The following PNP variants were observed in gnomAD, a reference collection of about 807,000 sequenced individuals.
PNP encodes the protein purine nucleoside phosphorylase.
PNP carries 18 observed loss-of-function variants against 26.8 expected under a neutral mutation model. The ratio of observed to expected loss-of-function variants is 0.67; its 90% CI spans 0.46 to 1.00. The LOEUF (loss-of-function observed/expected upper bound fraction) is 1.00. PNP is among the 50% of genes least tolerant of loss of function. The pLI, the probability that PNP is intolerant of heterozygous loss-of-function variation, is 0.00. For synonymous variants in PNP, 116 were observed against 124.8 expected, an observed-to-expected ratio of 0.93 and a Z score of 0.47; for missense variants, 320 against 362.9, an observed-to-expected ratio of 0.88 and a Z score of 0.96.
intron 1 of PNP, among the ~76,000 whole-genome samples, chr14:20,470,136 A>G (rs368945049): frequency 6.6e-6 from 1 of 152,232 alleles, no homozygotes; most frequent in South Asian, 2.1e-4. Context: ...CACTTCCCCC[A>G]CCCCACGCCT....
At chr14:20,474,334 G>A (rs1699345510) in intron 2 of PNP, 138 bp from the exon 3 acceptor site, 1 of 745,110 alleles carries the variant, frequency 1.3e-6, no homozygotes. Flanking sequence ...CTTTCTGAAA[G>A]CAGAGATAAT....
In PNP at chr14:20,475,097, A is replaced by G; in HGVS notation, c.497A>G (p.Tyr166Cys). Reference sequence around the variant, plus strand: ...CGTTTCCCTGCCATGTCTGATGCCTACGACCGGACTATGAGGCAGAGGGCT... The same window carrying G: ...CGTTTCCCTGCCATGTCTGATGCCTGCGACCGGACTATGAGGCAGAGGGCT... The part of the protein sequence containing the change: ...GDRFPAMSDA[Y>C]DRTMRQRALS... Residue 166 changes from tyrosine to cysteine, a missense_variant, in exon 5 of 6, where the codon TAC (tyrosine) becomes TGC (cysteine). By Grantham distance (194) the Tyr-to-Cys change is radical. Coordinates refer to ENST00000361505, the MANE Select transcript of PNP (RefSeq NM_000270.4). 3 of 1,614,218 alleles carry G rather than the reference A, an allele frequency of 1.9e-6. No homozygotes were observed. The highest frequency in any genetic ancestry group is 2.5e-6 in the Non-Finnish European group (3 of 1,180,056).
intron 1 of PNP, chr14:20,469,811 G>A (rs1015469164): frequency 3.3e-6 from 2 of 602,138 alleles, no homozygotes; most frequent in African/African-American, 3.7e-5. Context: ...AAAAGCAGCC[G>A]TTGTGTGTCT....
In PNP at chr14:20,477,055, A is replaced by C. The variant is rs1489664402; in HGVS notation, c.*454A>C. Reference sequence around the variant, plus strand: ...TACCTCTTGGATTTTATTTAATGTCATAATGTTGTCAGAATAAAGAGAAAG... The same window carrying C: ...TACCTCTTGGATTTTATTTAATGTCCTAATGTTGTCAGAATAAAGAGAAAG... On this transcript the variant is annotated 3_prime_UTR_variant, in exon 6 of 6. Transcript: ENST00000361505. 1 of 216,910 alleles carries C rather than the reference A, an allele frequency of 4.6e-6. No homozygotes were observed. Among genetic ancestry groups the C allele is most frequent in the Non-Finnish European group, 9.4e-6 (1 of 105,962 alleles). 13.4% of individuals were successfully genotyped at this position (216,910 alleles called of 1,614,324 possible).
At chr14:20,475,025 A>C (rs1882068912) in intron 4 of PNP, 37 bp from the exon 5 acceptor site, 1 of 1,614,008 alleles carries the variant, frequency 6.2e-7, no homozygotes, top group Admixed American at 1.7e-5. Flanking sequence ...AATTTTTAAA[A>C]TTCCGTTTAT....
intron 2 of PNP, chr14:20,473,216 C>G (rs1191793757): frequency 1.3e-5 from 2 of 152,250 alleles, no homozygotes; most frequent in African/African-American, 4.8e-5. Flanking sequence ...TAGTCCCTCT[C>G]CCATTCCCTA....
intron 2 of PNP, 126 bp downstream of exon 2, chr14:20,472,603 G>A (rs1882012208): frequency 1.1e-6 from 1 of 928,330 alleles, no homozygotes; most frequent in Non-Finnish European, 1.7e-6. Context: ...TGTTGTAAGA[G>A]AGGAGAAAAG....
Position 20,471,197 on chromosome 14 carries a change from A to ATTTTT in PNP, c.12-1090_12-1086dup, listed in dbSNP as rs397960222. Among the ~76,000 whole-genome samples the ATTTTT allele has an allele frequency of 7.4e-3, 674 of 90,590 alleles. 5 individuals carry two copies. The highest frequency in any genetic ancestry group is 0.013 in the Middle Eastern group (2 of 152). The allele number at this position is 90,590 out of a possible 152,430, so 59.4% of individuals were successfully genotyped here. A position where few individuals can be genotyped will look rare whatever the true frequency, so the allele number is the denominator to read the frequency against. ...AGGGGCCCGCCACCACGCCCGGCTA[A>ATTTTT]TTTTTTTTTTTTTTTTTTTTTTTTT... On this transcript the variant is annotated intron_variant, in intron 1 of 5. Coordinates refer to ENST00000361505, the MANE Select transcript of PNP (RefSeq NM_000270.4).
rs1056105284 is a variant in PNP at position 20,469,426 on chromosome 14, G to T, written c.-99G>T. 4.3e-5 allele frequency: 64 copies of T among 1,488,722 alleles called. No homozygotes were observed. The highest frequency in any genetic ancestry group is 5.7e-5 in the Non-Finnish European group (62 of 1,091,410). 92.2% of individuals were successfully genotyped at this position (1,488,722 alleles called of 1,614,324 possible). A position where few individuals can be genotyped will look rare whatever the true frequency, so the allele number is the denominator to read the frequency against. ...GAGCCAACTGTGCGAACCAGACCCG[G>T]CAGCCTTGCTCAGTTCAGCATAGCG... is the stretch of plus-strand genomic sequence containing the variant. On this transcript the variant is annotated 5_prime_UTR_variant, in exon 1 of 6. Transcript: ENST00000361505.
At chr14:20,475,035 T>C in intron 4 of PNP, 27 bp from the exon 5 acceptor site, 1 of 1,614,146 alleles carries the variant, frequency 6.2e-7, no homozygotes, top group South Asian at 1.1e-5. Flanking sequence ...ATTCCGTTTA[T>C]GTGAGATAAT....
In PNP at chr14:20,476,575, A is replaced by G. The variant is rs1440509100; in HGVS notation, c.844A>G (p.Ile282Val). 6.2e-7 allele frequency: 1 copy of G among 1,614,202 alleles called. No homozygotes were observed. The highest frequency in any genetic ancestry group is 1.7e-5 in the Admixed American group (1 of 60,026). ...GTTTGTCTCCATTCTTATGGCCAGC[A>G]TTCCACTCCCTGACAAAGCCAGTTG... is the stretch of plus-strand genomic sequence containing the variant. ...EQFVSILMASIPLPDKAS is the reference protein window; with the variant it reads ...EQFVSILMASVPLPDKAS The change falls in exon 6 of 6, where the codon ATT becomes GTT. Residue 282 changes from isoleucine to valine, a missense_variant. Transcript: ENST00000361505.
Position 20,472,301 on chromosome 14 carries a change from C to T in PNP, c.12-7C>T. 1 of 1,612,244 alleles carries T rather than the reference C, an allele frequency of 6.2e-7. No homozygotes were observed. On this transcript the variant is annotated splice_region_variant and splice_polypyrimidine_tract_variant and intron_variant, in intron 1 of 5. Transcript: ENST00000361505. ...CAGAATTCACCTTGATATTTTTTCT[C>T]CCCCAGATACACCTATGAAGATTAT... is the stretch of plus-strand genomic sequence containing the variant.
chr14:20,476,052 C>T (rs944362074), intron 5 of PNP, among the ~76,000 whole-genome samples: 1 of 152,238 alleles, frequency 6.6e-6, no homozygotes, highest in Non-Finnish European at 1.5e-5. Context: ...TAGCTCACTA[C>T]AGTTCTGACT....
chr14:20,476,365 C>T lies in PNP; in HGVS notation c.653-19C>T. On this transcript the variant is annotated intron_variant, in intron 5 of 5. Transcript: ENST00000361505. ...ATTTGAGGATCCTGACAGTTGGTTT[C>T]CATCTTTCTCACTATCAGGCATGAG... 1 of 1,581,682 alleles carries T rather than the reference C, an allele frequency of 6.3e-7. No homozygotes were observed. The highest frequency in any genetic ancestry group is 8.7e-7 in the Non-Finnish European group (1 of 1,150,966).
In PNP at chr14:20,474,488, C is replaced by T; in HGVS notation, c.198C>T (p.Gly66=). The part of the protein sequence containing the change: ...FPRSTVPGHA[G]RLVFGFLNGR... ...TGTATACAGTGCCAGGTCATGCTGG[C>T]CGACTGGTGTTTGGGTTCCTGAATG... The change falls in exon 3 of 6, where the codon GGC becomes GGT. Residue 66 remains glycine, a synonymous_variant. Coordinates refer to ENST00000361505, the MANE Select transcript of PNP (RefSeq NM_000270.4). 6.2e-7 allele frequency: 1 copy of T among 1,614,066 alleles called. No homozygotes were observed. The highest frequency in any genetic ancestry group is 8.5e-7 in the Non-Finnish European group (1 of 1,179,944).
Position 20,471,197 on chromosome 14 carries a change from ATTTTTTTTT to A in PNP, c.12-1094_12-1086del, listed in dbSNP as rs397960222. Among the ~76,000 whole-genome samples, 211 of 90,652 alleles carry A rather than the reference ATTTTTTTTT, an allele frequency of 2.3e-3. 1 individual carries two copies. The highest frequency in any genetic ancestry group is 0.011 in the East Asian group (34 of 3,014). The allele number at this position is 90,652 out of a possible 152,430, so 59.5% of individuals were successfully genotyped here. Reference sequence around the variant, plus strand: ...AGGGGCCCGCCACCACGCCCGGCTAATTTTTTTTTTTTTTTTTTTTTTTTTGTATTTTTA... The same window carrying A: ...AGGGGCCCGCCACCACGCCCGGCTAATTTTTTTTTTTTTTTTGTATTTTTA... On this transcript the variant is annotated intron_variant, in intron 1 of 5. Coordinates refer to ENST00000361505, the MANE Select transcript of PNP (RefSeq NM_000270.4).
intron 1 of PNP, chr14:20,470,600 G>A (rs1881966577): frequency 6.6e-6 from 1 of 152,358 alleles, no homozygotes; most frequent in South Asian, 2.1e-4. Context: ...CCAGATGGAT[G>A]TGAGAGAACT....
chr14:20,475,391 A>G, intron 5 of PNP, 139 bp downstream of exon 5: 2 of 748,868 alleles, frequency 2.7e-6, no homozygotes, highest in South Asian at 3.7e-5. Context: ...TGACTTATTG[A>G]AATACAAACT....
chr14:20,472,524 A>T (rs1882010000), intron 2 of PNP, 47 bp downstream of exon 2: 2 of 1,562,922 alleles, frequency 1.3e-6, no homozygotes, highest in African/African-American at 1.4e-5. Context: ...ATGTTCTTGG[A>T]ATTCTGTGGA....
Sources: gnomAD v4.1 joint callset for allele counts (sites outside exome capture counted in the v4.1 genomes callset) on GRCh38, gnomAD v4.1.1 for gene constraint, MANE v1.5 for transcripts, NCBI Gene and HGNC (gene_info 2026-07-23, HGNC 2026-07-21) for gene names.